COLEC12: variants seen among roughly 807,000 people sequenced by gnomAD.
COLEC12 encodes collectin subfamily member 12.
A neutral mutation model predicts 71.1 loss-of-function variants in COLEC12; 33 were observed. That is an observed-to-expected ratio of 0.46 (90% CI 0.35 to 0.62). The LOEUF is 0.62. Among genes scored for constraint, COLEC12 ranks in the 20% least tolerant of loss-of-function variants. The pLI is 0.00. For missense variants in COLEC12, 765 were observed against 916.1 expected, an observed-to-expected ratio of 0.84 and a Z score of 2.13; for synonymous variants, 350 against 353.0, an observed-to-expected ratio of 0.99 and a Z score of 0.10.
intron 2 of COLEC12, among the ~76,000 whole-genome samples, chr18:374,755 A>G (rs1915076876): frequency 6.6e-6 from 1 of 152,212 alleles, no homozygotes; most frequent in African/African-American, 2.4e-5. Flanking sequence ...TGGCCCAAGC[A>G]ATACTTATCT....
intron 3 of COLEC12, 101 bp downstream of exon 3, chr18:357,299 T>C: frequency 1.8e-6 from 2 of 1,130,744 alleles, no homozygotes; most frequent in Non-Finnish European, 2.6e-6. Context: ...ATCTGAGTTG[T>C]ATGAATGAAA....
chr18:394,769 C>G (rs570916688), intron 2 of COLEC12, among the ~76,000 whole-genome samples: 1 of 152,182 alleles, frequency 6.6e-6, no homozygotes, highest in Non-Finnish European at 1.5e-5. Context: ...TCCGCAGAAG[C>G]GCCACTTGAC....
intron 2 of COLEC12, among the ~76,000 whole-genome samples, chr18:373,097 A>C (rs1262140543): frequency 1.3e-5 from 2 of 152,196 alleles, no homozygotes; most frequent in African/African-American, 4.8e-5. Context: ...CTGTGATAAG[A>C]GCCTCTTAGT....
At chr18:400,802 C>T (rs969868975) in intron 2 of COLEC12, among the ~76,000 whole-genome samples, 1 of 152,138 alleles carries the variant, frequency 6.6e-6, no homozygotes, top group Non-Finnish European at 1.5e-5. Context: ...ATGTGTGCCA[C>T]TATTTATTAT....
chr18:326,215 T>G (rs547764981), intron 8 of COLEC12, among the ~76,000 whole-genome samples: 1 of 152,260 alleles, frequency 6.6e-6, no homozygotes, highest in East Asian at 1.9e-4. Context: ...TCCTTTGTGA[T>G]TTTTCTCTTT....
chr18:417,464 G>T (rs1916009562), intron 2 of COLEC12, among the ~76,000 whole-genome samples: 1 of 152,196 alleles, frequency 6.6e-6, no homozygotes, highest in Admixed American at 6.5e-5. Flanking sequence ...GCTAGGCATT[G>T]TTCTAAAGGT....
chr18:394,012 G>A (rs999106536), intron 2 of COLEC12, among the ~76,000 whole-genome samples: 2 of 152,164 alleles, frequency 1.3e-5, no homozygotes, highest in East Asian at 3.8e-4. Context: ...TGCAGGTGGT[G>A]GCGTCTGTCT....
intron 8 of COLEC12, among the ~76,000 whole-genome samples, chr18:325,307 G>A (rs1913809446): frequency 6.6e-6 from 1 of 152,198 alleles, no homozygotes; most frequent in African/African-American, 2.4e-5. Context: ...GATGAAAGCT[G>A]TGACTCGTAG....
intron 9 of COLEC12, among the ~76,000 whole-genome samples, chr18:321,106 G>C (rs562837492): frequency 1.3e-5 from 2 of 152,338 alleles, no homozygotes; most frequent in African/African-American, 4.8e-5. Flanking sequence ...CCAGGCTGGA[G>C]TGCAATGGTG....
At chr18:375,308 A>G (rs574115877) in intron 2 of COLEC12, among the ~76,000 whole-genome samples, 39 of 152,240 alleles carry the variant, frequency 2.6e-4, no homozygotes, top group South Asian at 1.9e-3. Context: ...TGCCACCACA[A>G]GGCCTTTGCA....
At chr18:403,622 T>A (rs75048533) in intron 2 of COLEC12, among the ~76,000 whole-genome samples, 1 of 152,246 alleles carries the variant, frequency 6.6e-6, no homozygotes, top group Admixed American at 6.5e-5. Flanking sequence ...TGAAGACACA[T>A]CCTTCTTATT....
At chr18:393,906 A>G (rs1236496294) in intron 2 of COLEC12, among the ~76,000 whole-genome samples, 1 of 152,232 alleles carries the variant, frequency 6.6e-6, no homozygotes, top group Non-Finnish European at 1.5e-5. Context: ...CAGCACCAAC[A>G]TGAAGGAAAC....
intron 2 of COLEC12, among the ~76,000 whole-genome samples, chr18:359,819 T>C (rs747184493): frequency 1.3e-5 from 2 of 152,230 alleles, no homozygotes; most frequent in Non-Finnish European, 2.9e-5. Context: ...TCAATAACTT[T>C]TGATGGGTAA....
chr18:353,047 C>A (rs1914557299), intron 3 of COLEC12, among the ~76,000 whole-genome samples: 1 of 152,298 alleles, frequency 6.6e-6, no homozygotes, highest in South Asian at 2.1e-4. Flanking sequence ...AAGTATAATT[C>A]TCTAGGATAC....
intron 2 of COLEC12, among the ~76,000 whole-genome samples, chr18:373,698 C>G (rs970182534): frequency 6.6e-6 from 1 of 152,106 alleles, no homozygotes; most frequent in Non-Finnish European, 1.5e-5. Context: ...GTGATAGAAC[C>G]CCAGGGCCTG....
chr18:330,747 A>G (rs1176840490), intron 8 of COLEC12, among the ~76,000 whole-genome samples: 3 of 152,132 alleles, frequency 2.0e-5, no homozygotes, highest in African/African-American at 7.2e-5. Flanking sequence ...TGCTCCTTTC[A>G]TAGAACTTAG....
rs182336748 is a variant in COLEC12, at chr18:346,483, T to A, written c.1139A>T (p.Asp380Val). Reference sequence around the variant, plus strand: ...GGTATTATTCAAGGAGGTCAGATCATCTGTGTGTTTGGTAAGGGTATCTGT... The same window carrying A: ...GGTATTATTCAAGGAGGTCAGATCAACTGTGTGTTTGGTAAGGGTATCTGT... ...TCTDTLTKHT[D>V]DLTSLNNTLA... is the part of the protein sequence containing the mutation. Residue 380 changes from aspartate to valine, a missense_variant, in exon 5 of 10, where the codon GAT becomes GTT. Transcript: ENST00000400256. This position sits in a 1 kb window ranked among gnomAD's most constrained non-coding sequence, Gnocchi z 4.0. 1.2e-6 allele frequency: 2 copies of A among 1,614,164 alleles called. No individual in the cohort carries two copies. The highest frequency in any genetic ancestry group is 1.7e-6 in the Non-Finnish European group (2 of 1,180,028).
At position 361,783 on chromosome 18, in the gene COLEC12, G is replaced by A. The variant is rs948299311; in HGVS notation, c.59-4261C>T. Among the ~76,000 whole-genome samples, 16 of 152,188 alleles carry A rather than the reference G, an allele frequency of 1.1e-4. 1 individual carries two copies. Among genetic ancestry groups the A allele is most frequent in the Admixed American group, 6.5e-4 (10 of 15,280 alleles). On this transcript the variant is annotated intron_variant, in intron 2 of 9. Coordinates refer to ENST00000400256, the MANE Select transcript of COLEC12 (RefSeq NM_130386.3). ...TGAAGCACAGAAGGGCGACAGACAC[G>A]GGGTGCTGGCCTGACCTCCCGCTGA...
chr18:378,866 C>T (rs1162630502), intron 2 of COLEC12, among the ~76,000 whole-genome samples: 1 of 152,154 alleles, frequency 6.6e-6, no homozygotes. Context: ...CTTTGCTCTG[C>T]CATCCCCCTC....
Sources: allele counts gnomAD v4.1 joint callset (sites outside exome capture counted in the v4.1 genomes callset), GRCh38; gene constraint gnomAD v4.1.1; non-coding constraint Gnocchi (gnomAD v3.1); transcripts MANE v1.5; gene names NCBI Gene and HGNC (gene_info 2026-07-23, HGNC 2026-07-21).